Variants in ZNF385D observed in about 807,000 individuals in gnomAD.
The protein encoded by ZNF385D is zinc finger protein 385D.
A neutral mutation model predicts 35.8 loss-of-function variants in ZNF385D; 15 were observed. The ratio of observed to expected loss-of-function variants is 0.42; its 90% confidence interval spans 0.28 to 0.64. The LOEUF (loss-of-function observed/expected upper bound fraction) is 0.64. ZNF385D is among the 30% of genes least tolerant of loss of function. ZNF385D has a pLI of 0.23. For synonymous variants in ZNF385D, 212 were observed against 186.8 expected (o/e 1.13, Z -1.10); for missense variants, 474 against 494.6 (o/e 0.96, Z 0.39).
chr3:22,187,477 T>TAC (rs908769401), intron 2 of ZNF385D, among the ~76,000 whole-genome samples: 2 of 151,854 alleles, frequency 1.3e-5, no homozygotes, highest in Admixed American at 6.6e-5. Flanking sequence ...TCTCACCCTA[T>TAC]ACACACACAC....
At chr3:21,910,084 TACACACAC>T (rs112815077) in intron 3 of ZNF385D, among the ~76,000 whole-genome samples, 1 of 149,226 alleles carries the variant, frequency 6.7e-6, no homozygotes, top group Admixed American at 6.7e-5. Context: ...ACATATATTT[TACACACAC>T]ACACACACAC....
chr3:22,311,284 G>C (rs529282389), intron 2 of ZNF385D, among the ~76,000 whole-genome samples: 1 of 152,036 alleles, frequency 6.6e-6, no homozygotes, highest in South Asian at 2.1e-4. Flanking sequence ...ATGATACAGA[G>C]TGAAACACAA....
chr3:21,809,935 G>A (rs1413508481), intron 3 of ZNF385D, among the ~76,000 whole-genome samples: 1 of 152,032 alleles, frequency 6.6e-6, no homozygotes, highest in African/African-American at 2.4e-5. Flanking sequence ...GGCATAAATT[G>A]TTTCACTGGA....
chr3:21,911,417 C>T (rs1575894765), intron 3 of ZNF385D, among the ~76,000 whole-genome samples: 2 of 151,834 alleles, frequency 1.3e-5, no homozygotes, highest in Non-Finnish European at 2.9e-5. Flanking sequence ...TGGGGAGAGG[C>T]TGGAGAAATG....
chr3:21,948,435 T>C (rs1701901685), intron 3 of ZNF385D, among the ~76,000 whole-genome samples: 1 of 152,142 alleles, frequency 6.6e-6, no homozygotes, highest in South Asian at 2.1e-4. Context: ...CTGCTCCTCC[T>C]TAAATTCCTT....
At chr3:22,147,135 A>T (rs1030375346) in intron 3 of ZNF385D, among the ~76,000 whole-genome samples, 1 of 152,262 alleles carries the variant, frequency 6.6e-6, no homozygotes, top group Non-Finnish European at 1.5e-5. Context: ...TAAATAATTT[A>T]GAACAAGTAC....
rs183415612 is a variant in ZNF385D, at chr3:21,598,528, T to G, written c.166-33844A>C. On this transcript the variant is annotated intron_variant, in intron 2 of 7. Transcript: ENST00000281523. ...TGTAATTGAATTTAATGACTGACAG[T>G]GAAGCAATATCTTTGTTCAAAACTG... Among the ~76,000 whole-genome samples the G allele has an allele frequency of 8.4e-4, 128 of 152,300 alleles. 1 individual carries two copies. Among genetic ancestry groups the G allele is most frequent in the Admixed American group, 7.1e-3 (109 of 15,302 alleles).
chr3:22,251,641 C>G (rs1051441305), intron 2 of ZNF385D, among the ~76,000 whole-genome samples: 1 of 152,102 alleles, frequency 6.6e-6, no homozygotes, highest in African/African-American at 2.4e-5. Context: ...ATCCCTCCCC[C>G]ATTTGTGAGA....
At chr3:21,887,003 TG>T (rs1435659826) in intron 3 of ZNF385D, among the ~76,000 whole-genome samples, 2 of 152,162 alleles carry the variant, frequency 1.3e-5, no homozygotes, top group African/African-American at 4.8e-5. Context: ...TTTCCTTTTT[TG>T]CCCCTCCAAG....
At chr3:21,723,741 G>T (rs1208532631) in intron 1 of ZNF385D, among the ~76,000 whole-genome samples, 1 of 152,140 alleles carries the variant, frequency 6.6e-6, no homozygotes, top group Non-Finnish European at 1.5e-5. Flanking sequence ...ATATTATCCA[G>T]GAGAACTTCC....
At chr3:21,455,531 A>G (rs1298757574) in intron 4 of ZNF385D, among the ~76,000 whole-genome samples, 1 of 152,228 alleles carries the variant, frequency 6.6e-6, no homozygotes, top group East Asian at 1.9e-4. Flanking sequence ...CTGGCTAGCC[A>G]TATGTAGAAA....
At chr3:22,155,230 C>T (rs749306077) in intron 3 of ZNF385D, among the ~76,000 whole-genome samples, 5 of 151,944 alleles carry the variant, frequency 3.3e-5, no homozygotes, top group Non-Finnish European at 5.9e-5. Flanking sequence ...GAGAGAAGTA[C>T]AGAAAAACAT....
intron 4 of ZNF385D, among the ~76,000 whole-genome samples, chr3:21,451,860 G>T (rs1010090118): frequency 6.6e-6 from 1 of 151,918 alleles, no homozygotes; most frequent in Non-Finnish European, 1.5e-5. Context: ...CTATTAATTG[G>T]CAAAGCCATT....
chr3:21,573,775 AT>A (rs1336605655), intron 2 of ZNF385D, among the ~76,000 whole-genome samples: 1 of 152,132 alleles, frequency 6.6e-6, no homozygotes, highest in Non-Finnish European at 1.5e-5. Context: ...TAAAGAAATA[AT>A]GGGCTGGGCA....
chr3:21,780,796 A>G (rs900080568), intron 3 of ZNF385D, among the ~76,000 whole-genome samples: 1 of 152,048 alleles, frequency 6.6e-6, no homozygotes, highest in Non-Finnish European at 1.5e-5. Flanking sequence ...CAGTTGATCA[A>G]TAAGAATGTT....
At chr3:21,795,436 T>C (rs1214482899) in intron 3 of ZNF385D, among the ~76,000 whole-genome samples, 4 of 152,234 alleles carry the variant, frequency 2.6e-5, no homozygotes, top group African/African-American at 9.6e-5. Flanking sequence ...TGCTCCACTT[T>C]GGTGGAATGG....
chr3:21,955,440 A>G lies in ZNF385D; in HGVS notation c.325+213377T>C, dbSNP rs577245265. 5.9e-5 allele frequency among the ~76,000 whole-genome samples: 9 copies of G among 152,222 alleles called. 1 individual carries two copies. Among genetic ancestry groups the G allele is most frequent in the South Asian group, 4.1e-4 (2 of 4,828 alleles). On this transcript the variant is annotated intron_variant, in intron 3 of 5. Coordinates refer to the ZNF385D transcript ENST00000494108. ...ATGTTCTTCCATATCCATCTCCCCA[A>G]TTCTGGCCAATAAATATCACCTAAA...
chr3:21,491,423 C>T (rs931092904), intron 4 of ZNF385D, among the ~76,000 whole-genome samples: 17 of 151,908 alleles, frequency 1.1e-4, no homozygotes, highest in Non-Finnish European at 2.9e-5. Context: ...AAAAGAAACA[C>T]CCCCTATTCC....
intron 2 of ZNF385D, among the ~76,000 whole-genome samples, chr3:21,663,895 A>ATATATATATATATATATG (rs1230988356): frequency 1.2e-5 from 1 of 85,458 alleles, no homozygotes; most frequent in Non-Finnish European, 2.5e-5. Context: ...GGCCGAATAT[A>ATATATATATATATATATG]TATATATATA....
Sources: allele counts gnomAD v4.1 joint callset (sites outside exome capture counted in the v4.1 genomes callset), GRCh38; gene constraint gnomAD v4.1.1; transcripts MANE v1.5; gene names NCBI Gene and HGNC (gene_info 2026-07-23, HGNC 2026-07-21).